Variants in FOCAD observed in about 807,000 individuals in gnomAD.
FOCAD encodes focadhesin, also known as KIAA1797.
A neutral mutation model predicts 225.6 loss-of-function variants in FOCAD; 198 were observed. The observed-to-expected ratio is 0.88, with a 90% CI of 0.78 to 0.99. FOCAD has a LOEUF of 0.99. Among genes scored for constraint, FOCAD ranks in the 50% least tolerant of loss-of-function variants. The pLI, the probability that FOCAD is intolerant of heterozygous loss-of-function variation, is 0.00. For synonymous variants in FOCAD, 897 were observed against 755.0 expected (o/e 1.19, Z -3.08); for missense variants, 2,713 against 2,123.6 (o/e 1.28, Z -5.46).
chr9:20,678,796 A>T (rs1822312641), intron 2 of FOCAD, among the ~76,000 whole-genome samples: 1 of 152,148 alleles, frequency 6.6e-6, no homozygotes, highest in South Asian at 2.1e-4. Context: ...CTTTCAGCTT[A>T]GGCGTGATTT....
chr9:20,893,167 G>A (rs1488912367), intron 21 of FOCAD, among the ~76,000 whole-genome samples: 2 of 151,970 alleles, frequency 1.3e-5, no homozygotes, highest in Admixed American at 6.6e-5. Context: ...CTGGGACTAC[G>A]GGTATGTGCC....
chr9:20,853,288 A>G (rs1027349594), intron 15 of FOCAD, among the ~76,000 whole-genome samples: 2 of 151,796 alleles, frequency 1.3e-5, no homozygotes, highest in Admixed American at 6.6e-5. Context: ...AGGGGGAATA[A>G]AAAAGAAACC....
intron 1 of FOCAD, among the ~76,000 whole-genome samples, chr9:20,706,126 A>T (rs1031735783): frequency 2.0e-5 from 3 of 151,552 alleles, no homozygotes; most frequent in Non-Finnish European, 2.9e-5. Context: ...GTAGAGATGG[A>T]GTCTCCTTAT....
At chr9:20,861,866 T>C (rs1475115172) in intron 15 of FOCAD, among the ~76,000 whole-genome samples, 1 of 152,118 alleles carries the variant, frequency 6.6e-6, no homozygotes, top group African/African-American at 2.4e-5. Flanking sequence ...CAGTGTTAGC[T>C]GGAATTGAAC....
rs188483350 is a variant in FOCAD at position 20,926,670 on chromosome 9, C to G, written c.3078+253C>G. Among the ~76,000 whole-genome samples, 497 of 151,970 alleles carry G rather than the reference C, an allele frequency of 3.3e-3. 1 individual carries two copies. Among genetic ancestry groups the G allele is most frequent in the Non-Finnish European group, 4.1e-3 (282 of 67,992 alleles). ...TGGTGGCACATGCCTGTAATCCCAG[C>G]TACTCAGGAGGCTGAGGCAGGAGAA... On this transcript the variant is annotated intron_variant, in intron 26 of 43. Coordinates refer to ENST00000338382, the MANE Select transcript of FOCAD (RefSeq NM_001375567.1).
At chr9:20,841,294 AG>A (rs1276524649) in intron 15 of FOCAD, among the ~76,000 whole-genome samples, 1 of 151,820 alleles carries the variant, frequency 6.6e-6, no homozygotes, top group Admixed American at 6.6e-5. Flanking sequence ...TAGTTTAAGT[AG>A]GATTGATTTT....
rs916540857 is a variant in FOCAD at position 20,745,941 on chromosome 9, T to C, written c.392+5601T>C. On this transcript the variant is annotated intron_variant, in intron 5 of 43. Coordinates refer to ENST00000338382, the MANE Select transcript of FOCAD (RefSeq NM_001375567.1). ...TTGTTCATCTATTTGTGTAATAGTA[T>C]ATAGTTTATTTGGAGGGAGAGTTAA... Among the ~76,000 whole-genome samples the C allele has an allele frequency of 4.6e-5, 7 of 152,332 alleles. No homozygotes were observed. The East Asian group carries it at 1.4e-3, about 29-fold the overall frequency.
At chr9:20,863,000 C>T (rs2131700998) in intron 16 of FOCAD, 1 of 211,190 alleles carries the variant, frequency 4.7e-6, no homozygotes, top group East Asian at 1.1e-4. Context: ...TAAAGCCAAC[C>T]ATTAAAAATC....
intron 4 of FOCAD, among the ~76,000 whole-genome samples, chr9:20,723,599 G>A (rs1346254651): frequency 6.6e-6 from 1 of 152,146 alleles, no homozygotes; most frequent in Non-Finnish European, 1.5e-5. Flanking sequence ...TCCCCCCTGT[G>A]GAAGACAAAC....
chr9:20,800,424 A>G (rs961047921), intron 11 of FOCAD, among the ~76,000 whole-genome samples: 42 of 152,174 alleles, frequency 2.8e-4, no homozygotes, highest in African/African-American at 8.7e-4. Context: ...GTTCTCCTGG[A>G]TGATATCCTG....
chr9:20,767,936 T>G (rs1830199467), intron 7 of FOCAD, among the ~76,000 whole-genome samples: 2 of 152,332 alleles, frequency 1.3e-5, no homozygotes, highest in South Asian at 4.1e-4. Context: ...CTAGGTTTTC[T>G]TCTAGGGTTT....
chr9:20,921,189 A>G (rs969065940), intron 24 of FOCAD, among the ~76,000 whole-genome samples: 1 of 152,194 alleles, frequency 6.6e-6, no homozygotes, highest in African/African-American at 2.4e-5. Context: ...ACCTGAAGAT[A>G]AAAATCACTG....
chr9:20,850,642 A>T (rs1220234738), intron 15 of FOCAD, among the ~76,000 whole-genome samples: 2 of 151,374 alleles, frequency 1.3e-5, no homozygotes, highest in Non-Finnish European at 1.5e-5. Context: ...GTATTTAAAG[A>T]CTCCTACCTT....
At chr9:20,862,505 T>G (rs546031476) in intron 15 of FOCAD, 73 bp from the exon 16 acceptor site, 17 of 1,502,060 alleles carry the variant, frequency 1.1e-5, no homozygotes, top group African/African-American at 1.4e-5. Flanking sequence ...TAATAAAATA[T>G]AGTACTCTTA....
At chr9:20,966,165 G>T (rs902679400) in intron 35 of FOCAD, among the ~76,000 whole-genome samples, 1 of 151,902 alleles carries the variant, frequency 6.6e-6, no homozygotes, top group African/African-American at 2.4e-5. Flanking sequence ...ATATAGGAGG[G>T]TTCCAATTTC....
In FOCAD at chr9:20,778,903, T is replaced by C. The variant is rs139987425; in HGVS notation, c.994+135T>C. The C allele has an allele frequency of 1.4e-3, 725 of 500,358 alleles. 5 individuals carry two copies. Among genetic ancestry groups the C allele is most frequent in the African/African-American group, 9.7e-3 (505 of 52,050 alleles). 31.0% of individuals were successfully genotyped at this position (500,358 alleles called of 1,614,324 possible). A position where few individuals can be genotyped will look rare whatever the true frequency, so the allele number is the denominator to read the frequency against. On this transcript the variant is annotated intron_variant, in intron 9 of 43. Transcript: ENST00000338382. ...TAATTTTTAAAATTATTAAATAGAA[T>C]TTTTTTTCTTGTCTAATAAGTTGTT... is the stretch of plus-strand genomic sequence containing the variant.
chr9:20,724,129 C>T (rs987840950), intron 4 of FOCAD, among the ~76,000 whole-genome samples: 2 of 152,222 alleles, frequency 1.3e-5, no homozygotes, highest in Non-Finnish European at 2.9e-5. Flanking sequence ...CAGGCCTCAT[C>T]TCCAACATTT....
intron 10 of FOCAD, among the ~76,000 whole-genome samples, chr9:20,782,947 G>A (rs943236612): frequency 5.9e-5 from 9 of 152,174 alleles, no homozygotes; most frequent in African/African-American, 2.2e-4. Context: ...ACAGGTAATC[G>A]ATTTGAATTG....
intron 2 of FOCAD, among the ~76,000 whole-genome samples, chr9:20,715,739 T>C (rs1424328233): frequency 6.6e-6 from 1 of 152,082 alleles, no homozygotes; most frequent in Non-Finnish European, 1.5e-5. Context: ...AACAGTTATA[T>C]GTCTGAAGAG....
Sources: gnomAD v4.1 joint callset for allele counts (sites outside exome capture counted in the v4.1 genomes callset) on GRCh38, gnomAD v4.1.1 for gene constraint, MANE v1.5 for transcripts, NCBI Gene and HGNC (gene_info 2026-07-23, HGNC 2026-07-21) for gene names.